ERO1B: variants seen among roughly 807,000 people sequenced by gnomAD.
The protein encoded by ERO1B is endoplasmic reticulum oxidoreductase 1 beta.
Under a neutral mutation model 75.3 loss-of-function variants are expected in ERO1B, and 49 were observed. That is an observed-to-expected ratio of 0.65 (90% CI 0.52 to 0.83). The LOEUF (loss-of-function observed/expected upper bound fraction) is 0.83. Among genes scored for constraint, ERO1B ranks in the 40% least tolerant of loss-of-function variants. The pLI is 0.00. For missense variants in ERO1B, 512 were observed against 560.1 expected (o/e 0.91, Z 0.87); for synonymous variants, 191 against 192.9 (o/e 0.99, Z 0.08).
chr1:236,251,007 T>C (rs1665013444), intron 4 of ERO1B, among the ~76,000 whole-genome samples: 2 of 152,016 alleles, frequency 1.3e-5, no homozygotes, highest in Non-Finnish European at 1.5e-5. Flanking sequence ...TAGCCAAAAA[T>C]TGGGAACAAC....
At chr1:236,257,231 C>T (rs1234320103) in intron 2 of ERO1B, among the ~76,000 whole-genome samples, 1 of 152,192 alleles carries the variant, frequency 6.6e-6, no homozygotes, top group Non-Finnish European at 1.5e-5. Flanking sequence ...TGGGAAGAAA[C>T]ACCTGGTACA....
At chr1:236,238,979 TCTTA>T (rs1238329931) in intron 6 of ERO1B, among the ~76,000 whole-genome samples, 2 of 152,038 alleles carry the variant, frequency 1.3e-5, no homozygotes, top group African/African-American at 2.4e-5. Flanking sequence ...AGAAAAGTGG[TCTTA>T]CTTTGTTGTG....
At chr1:236,240,258 TAG>T (rs1324088939) in intron 6 of ERO1B, among the ~76,000 whole-genome samples, 7 of 152,116 alleles carry the variant, frequency 4.6e-5, no homozygotes. Context: ...CCTAATTTAA[TAG>T]AGTTATGAGG....
intron 1 of ERO1B, among the ~76,000 whole-genome samples, chr1:236,276,778 G>A (rs2102968339): frequency 6.6e-6 from 1 of 152,318 alleles, no homozygotes; most frequent in South Asian, 2.1e-4. Context: ...ATATGTGGAT[G>A]AAAAGATAAC....
intron 10 of ERO1B, 33 bp from the exon 11 acceptor site, chr1:236,226,772 C>A (rs761802330): frequency 4.1e-5 from 62 of 1,512,484 alleles, no homozygotes; most frequent in Non-Finnish European, 2.2e-5. Flanking sequence ...AGAAATTACA[C>A]CTATTTAGAT....
rs557086511 is a variant in ERO1B, at chr1:236,251,958, T to C, written c.348+92A>G. ...AAATGTCTCCATTCCCAACTAACCATAATATGGTTCTTTACTACAGCCACT... is the reference window on the plus strand; with the variant it reads ...AAATGTCTCCATTCCCAACTAACCACAATATGGTTCTTTACTACAGCCACT... On this transcript the variant is annotated intron_variant, in intron 4 of 15. Coordinates refer to ENST00000354619, the MANE Select transcript of ERO1B (RefSeq NM_019891.4). 1.2e-5 allele frequency: 11 copies of C among 941,962 alleles called. No individual in the cohort carries two copies. In the East Asian group the frequency reaches 2.3e-4, roughly 20 times the overall value. The allele number at this position is 941,962 out of a possible 1,614,324, so 58.4% of individuals were successfully genotyped here. A position where few individuals can be genotyped will look rare whatever the true frequency, so the allele number is the denominator to read the frequency against.
At chr1:236,242,998 A>G (rs1300002559) in intron 6 of ERO1B, among the ~76,000 whole-genome samples, 3 of 152,232 alleles carry the variant, frequency 2.0e-5, no homozygotes, top group Non-Finnish European at 4.4e-5. Flanking sequence ...TCCAGTGTAA[A>G]TATTTTTACA....
chr1:236,266,682 T>C lies in ERO1B; in HGVS notation c.222+3193A>G, dbSNP rs115769009. On this transcript the variant is annotated intron_variant, in intron 2 of 15. Coordinates refer to ENST00000354619, the MANE Select transcript of ERO1B (RefSeq NM_019891.4). ...TCTTAGCTTTTTCTTTTTAAAGCTT[T>C]CCTTTCTTTGCCACTGTTGTAGGTA... Among the ~76,000 whole-genome samples, 518 of 152,318 alleles carry C rather than the reference T, an allele frequency of 3.4e-3. 2 individuals carry two copies. The highest frequency in any genetic ancestry group is 5.9e-3 in the Non-Finnish European group (398 of 68,030).
intron 2 of ERO1B, among the ~76,000 whole-genome samples, chr1:236,264,539 T>C (rs910516367): frequency 6.6e-6 from 1 of 152,172 alleles, no homozygotes; most frequent in African/African-American, 2.4e-5. Context: ...TAATAGTCAC[T>C]GGAGACTCAG....
chr1:236,234,592 A>T (rs1664493395), intron 8 of ERO1B, among the ~76,000 whole-genome samples: 1 of 152,248 alleles, frequency 6.6e-6, no homozygotes, highest in Admixed American at 6.5e-5. Flanking sequence ...CGTCTTTTTC[A>T]GGACCAACTT....
At chr1:236,246,582 A>C (rs1054456164) in intron 5 of ERO1B, among the ~76,000 whole-genome samples, 1 of 152,252 alleles carries the variant, frequency 6.6e-6, no homozygotes, top group African/African-American at 2.4e-5. Flanking sequence ...AAAAAGAATT[A>C]AACATTACTA....
chr1:236,221,766 T>C (rs987468810), intron 14 of ERO1B, 158 bp downstream of exon 14: 30 of 587,280 alleles, frequency 5.1e-5, no homozygotes, highest in Non-Finnish European at 7.7e-5. Context: ...ATGTAACACA[T>C]ATACTTTAAT....
chr1:236,241,614 G>C (rs1276803577), intron 6 of ERO1B, among the ~76,000 whole-genome samples: 1 of 152,046 alleles, frequency 6.6e-6, no homozygotes, highest in Non-Finnish European at 1.5e-5. Context: ...TTACAACTCA[G>C]AAGAGTCATG....
intron 2 of ERO1B, among the ~76,000 whole-genome samples, chr1:236,260,265 A>G (rs1665264832): frequency 1.3e-5 from 2 of 152,254 alleles, no homozygotes; most frequent in South Asian, 2.1e-4. Context: ...AGATATTACT[A>G]GAAACATGCA....
chr1:236,238,346 A>T (rs1239441960), intron 6 of ERO1B, among the ~76,000 whole-genome samples: 3 of 152,120 alleles, frequency 2.0e-5, no homozygotes, highest in Non-Finnish European at 2.9e-5. Context: ...TAAAATCTTA[A>T]TTTAAAATAA....
intron 9 of ERO1B, 149 bp downstream of exon 9, chr1:236,232,679 C>CTT (rs11388266): frequency 0.021 from 8,379 of 400,402 alleles, 4 homozygotes; most frequent in Middle Eastern, 0.038. Context: ...ATAAAATAAT[C>CTT]TTTTTTTTTT....
rs1665086071 is a variant in ERO1B, at chr1:236,253,424, C to G, written c.304G>C (p.Glu102Gln). Residue 102 changes from glutamate (E) to glutamine (Q), a missense_variant and splice_region_variant, in exon 3 of 16, where the codon GAG becomes CAG. Physicochemically the swap from Glu to Gln is conservative, Grantham distance 29. Coordinates refer to ENST00000354619, the MANE Select transcript of ERO1B (RefSeq NM_019891.4). Reference sequence around the variant, plus strand: ...CCCTGTTATTTTATTTATTATACCTCTGGACAGGGCTCCACATGACAGTCT... The same window carrying G: ...CCCTGTTATTTTATTTATTATACCTGTGGACAGGGCTCCACATGACAGTCT... The part of the protein sequence containing the change: ...IKDCHVEPCP[E>Q]SKIPVGIKAG... 6.3e-7 allele frequency: 1 copy of G among 1,597,758 alleles called. No individual in the cohort carries two copies. The highest frequency in any genetic ancestry group is 1.3e-5 in the African/African-American group (1 of 74,602).
chr1:236,281,517 G>T, intron 1 of ERO1B, 165 bp downstream of exon 1: 1 of 437,264 alleles, frequency 2.3e-6, no homozygotes, highest in Non-Finnish European at 3.9e-6. Flanking sequence ...GATGTTTCCC[G>T]CACTGGACGG....
intron 8 of ERO1B, among the ~76,000 whole-genome samples, chr1:236,234,916 G>A (rs1664500125): frequency 6.6e-6 from 1 of 152,150 alleles, no homozygotes; most frequent in South Asian, 2.1e-4. Context: ...ACACACGAGT[G>A]TTAACTTAAA....
Sources: gnomAD v4.1 joint callset for allele counts (sites outside exome capture counted in the v4.1 genomes callset) on GRCh38, gnomAD v4.1.1 for gene constraint, MANE v1.5 for transcripts, NCBI Gene and HGNC (gene_info 2026-07-23, HGNC 2026-07-21) for gene names.